Variants in SLC2A13 observed in about 807,000 individuals in gnomAD.
The protein encoded by SLC2A13 is proton myo-inositol cotransporter.
SLC2A13 carries 32 observed loss-of-function variants against 64.4 expected under a neutral mutation model. That is an observed-to-expected ratio of 0.50 (90% CI 0.37 to 0.67). The LOEUF is 0.67. Ranked by LOEUF, SLC2A13 falls within the 30% of genes least tolerant of loss-of-function variation. SLC2A13 has a pLI of 0.00. For synonymous variants in SLC2A13, 338 were observed against 327.1 expected, an observed-to-expected ratio of 1.03 and a Z score of -0.36; for missense variants, 743 against 829.2, an observed-to-expected ratio of 0.90 and a Z score of 1.28.
rs188139913 is a variant in SLC2A13, at chr12:40,056,068, C to A, written c.557-7858G>T. 2.0e-5 allele frequency among the ~76,000 whole-genome samples: 3 copies of A among 150,396 alleles called. No homozygotes were observed. The East Asian group carries it at 5.8e-4, about 29-fold the overall frequency. On this transcript the variant is annotated intron_variant, in intron 1 of 9. Transcript: ENST00000280871. ...TCTCTACAGAGCCACATACAACAAA[C>A]CCTGGTTTGGCACCCTTATAGTACA...
At chr12:39,949,524 G>T (rs1946193042) in intron 4 of SLC2A13, 1 of 152,148 alleles carries the variant, frequency 6.6e-6, no homozygotes, top group Non-Finnish European at 1.5e-5. Flanking sequence ...AAATTTGACA[G>T]CATCAATCAG....
At chr12:39,772,076 T>C (rs1304020516) in intron 7 of SLC2A13, among the ~76,000 whole-genome samples, 2 of 152,140 alleles carry the variant, frequency 1.3e-5, no homozygotes, top group Admixed American at 6.6e-5. Context: ...TCCTTTTCAC[T>C]TTCCTCATTT....
rs958466685 is a variant in SLC2A13 at position 39,934,128 on chromosome 12, G to C, written c.1034+17129C>G. Among the ~76,000 whole-genome samples the C allele has an allele frequency of 2.6e-5, 4 of 152,088 alleles. No homozygotes were observed. The South Asian group carries it at 6.2e-4, about 24-fold the overall frequency. ...TAGTTGATAAAAAGGGATTGTAAGG[G>C]GTGGCAAATAGCAGCCTTGTGCACA... On this transcript the variant is annotated intron_variant, in intron 4 of 9. Transcript: ENST00000280871.
At chr12:39,972,031 T>TATAA (rs1406098471) in intron 3 of SLC2A13, among the ~76,000 whole-genome samples, 5 of 121,274 alleles carry the variant, frequency 4.1e-5, no homozygotes, top group East Asian at 2.4e-4. Context: ...TTTATATAAA[T>TATAA]ATATATATAA....
chr12:39,918,948 A>C (rs1945566929), intron 4 of SLC2A13, among the ~76,000 whole-genome samples: 1 of 151,496 alleles, frequency 6.6e-6, no homozygotes, highest in Non-Finnish European at 1.5e-5. Context: ...GCACACACAC[A>C]CACACACACG....
At chr12:39,794,271 T>G (rs1316969198) in intron 7 of SLC2A13, among the ~76,000 whole-genome samples, 7 of 152,166 alleles carry the variant, frequency 4.6e-5, no homozygotes, top group African/African-American at 1.4e-4. Flanking sequence ...ATTCTTGATA[T>G]TTGAATAATA....
intron 3 of SLC2A13, among the ~76,000 whole-genome samples, chr12:39,953,347 T>C (rs933748471): frequency 1.3e-5 from 2 of 152,200 alleles, no homozygotes; most frequent in Non-Finnish European, 2.9e-5. Flanking sequence ...TTAGACTGCA[T>C]TTTTTAATGG....
chr12:39,874,228 T>C (rs1008918716), intron 4 of SLC2A13, among the ~76,000 whole-genome samples: 3 of 151,762 alleles, frequency 2.0e-5, no homozygotes, highest in African/African-American at 4.8e-5. Context: ...GCACTGGAGG[T>C]CACTGAAATG....
intron 7 of SLC2A13, among the ~76,000 whole-genome samples, chr12:39,810,332 G>T (rs1942114432): frequency 6.6e-6 from 1 of 152,102 alleles, no homozygotes; most frequent in African/African-American, 2.4e-5. Context: ...TTTGCCAATT[G>T]TTAGTAATAG....
In SLC2A13 at chr12:40,003,573, G is replaced by A. The variant is rs141983937; in HGVS notation, c.925+24728C>T. 8.3e-4 allele frequency among the ~76,000 whole-genome samples: 126 copies of A among 152,154 alleles called. 1 individual carries two copies. The highest frequency in any genetic ancestry group is 1.8e-3 in the Admixed American group (28 of 15,282). On this transcript the variant is annotated intron_variant, in intron 3 of 9. Transcript: ENST00000280871. ...TGGTTCCCTATCAACGTGTATTACTGAAGGGACTAATGACATGCCAGGCCC... is the reference window on the plus strand; with the variant it reads ...TGGTTCCCTATCAACGTGTATTACTAAAGGGACTAATGACATGCCAGGCCC...
In SLC2A13 at chr12:40,036,643, C is replaced by G. The variant is rs149304757; in HGVS notation, c.717-8134G>C. Among the ~76,000 whole-genome samples, 1,407 of 152,274 alleles carry G rather than the reference C, an allele frequency of 9.2e-3. 11 individuals are homozygous for G. Among genetic ancestry groups the G allele is most frequent in the Non-Finnish European group, 0.013 (865 of 68,006 alleles). On this transcript the variant is annotated intron_variant, in intron 2 of 9. Transcript: ENST00000280871. ...GGTTGTTCCTTCTATGTCACTGATT[C>G]ATTTATCTACTGTTACCAGACTGTC...
chr12:40,014,204 C>CAA (rs1947580353), intron 3 of SLC2A13, among the ~76,000 whole-genome samples: 2 of 152,000 alleles, frequency 1.3e-5, no homozygotes, highest in Non-Finnish European at 2.9e-5. Context: ...TATTTCTGGC[C>CAA]CAGAGGTAAA....
At chr12:40,005,092 C>G (rs936710454) in intron 3 of SLC2A13, among the ~76,000 whole-genome samples, 1 of 152,008 alleles carries the variant, frequency 6.6e-6, no homozygotes, top group African/African-American at 2.4e-5. Flanking sequence ...AATCACTTAC[C>G]AGCACTGCTG....
intron 9 of SLC2A13, among the ~76,000 whole-genome samples, chr12:39,762,291 G>C (rs530059230): frequency 3.3e-5 from 5 of 152,128 alleles, no homozygotes; most frequent in Non-Finnish European, 4.4e-5. Flanking sequence ...TCTGTAACGA[G>C]TCCATCAGGA....
intron 6 of SLC2A13, among the ~76,000 whole-genome samples, chr12:39,843,667 CTA>C (rs1366626834): frequency 6.6e-6 from 1 of 152,074 alleles, no homozygotes; most frequent in East Asian, 1.9e-4. Context: ...CTCTCCAGCT[CTA>C]TGCTTCACCT....
At chr12:39,971,983 GAAA>G (rs1174701447) in intron 3 of SLC2A13, among the ~76,000 whole-genome samples, 32 of 95,778 alleles carry the variant, frequency 3.3e-4, no homozygotes, top group African/African-American at 1.2e-3. Flanking sequence ...AGTGTCTCCA[GAAA>G]AAAAAAAAAA....
chr12:39,756,816 CTT>C lies in SLC2A13; in HGVS notation c.*3208_*3209del, dbSNP rs1391350252. 4 of 151,540 alleles carry C rather than the reference CTT, an allele frequency of 2.6e-5. No individual in the cohort carries two copies. Among genetic ancestry groups the C allele is most frequent in the African/African-American group, 7.3e-5 (3 of 41,346 alleles). 9.4% of individuals were successfully genotyped at this position (151,540 alleles called of 1,614,324 possible). Reference sequence around the variant, plus strand: ...TGATTTCCCCTTTTAGAGTGAATAACTTAATATTTAGACTCTTATGTACTAAA... The same window carrying C: ...TGATTTCCCCTTTTAGAGTGAATAACAATATTTAGACTCTTATGTACTAAA... On this transcript the variant is annotated 3_prime_UTR_variant, in exon 10 of 10. Coordinates refer to ENST00000280871, the MANE Select transcript of SLC2A13 (RefSeq NM_052885.4).
intron 3 of SLC2A13, among the ~76,000 whole-genome samples, chr12:40,000,765 C>T (rs1365094334): frequency 6.6e-6 from 1 of 152,150 alleles, no homozygotes; most frequent in African/African-American, 2.4e-5. Flanking sequence ...CTCATATGAC[C>T]TCATTTAACC....
At chr12:39,867,457 A>AAAAAAC (rs1188906900) in intron 5 of SLC2A13, among the ~76,000 whole-genome samples, 1 of 152,132 alleles carries the variant, frequency 6.6e-6, no homozygotes, top group Non-Finnish European at 1.5e-5. Flanking sequence ...CTATTTTTGA[A>AAAAAAC]AAAAACAAAA....
Sources: gnomAD v4.1 joint callset for allele counts (sites outside exome capture counted in the v4.1 genomes callset) on GRCh38, gnomAD v4.1.1 for gene constraint, MANE v1.5 for transcripts, NCBI Gene and HGNC (gene_info 2026-07-23, HGNC 2026-07-21) for gene names.